Variants in SLC2A13 observed in about 807,000 individuals in gnomAD.
The protein encoded by SLC2A13 is solute carrier family 2 member 13, also known as proton myo-inositol cotransporter.
A neutral mutation model predicts 64.4 loss-of-function variants in SLC2A13; 32 were observed. The observed-to-expected ratio is 0.50, with a 90% CI of 0.37 to 0.67. The LOEUF (loss-of-function observed/expected upper bound fraction) is 0.67. Among genes scored for constraint, SLC2A13 ranks in the 30% least tolerant of loss-of-function variants. The probability of loss-of-function intolerance (pLI) is 0.00; values close to 1 mark genes in which losing one functional copy is unlikely to be tolerated. For synonymous variants in SLC2A13, 338 were observed against 327.1 expected, an observed-to-expected ratio of 1.03 and a Z score of -0.36; for missense variants, 743 against 829.2, an observed-to-expected ratio of 0.90 and a Z score of 1.28.
rs766790201 is a variant in SLC2A13 at position 39,764,467 on chromosome 12, T to C, written c.1713A>G (p.Thr571=). ...LTFLHTAEYL[T]YYGAFFLYAG... is the part of the protein sequence containing the mutation. ...GAAAAAATATTATCTTACCATAGTATGTAAGATACTCTGCTGTGTGTAAAA... is the reference window on the plus strand; with the variant it reads ...GAAAAAATATTATCTTACCATAGTACGTAAGATACTCTGCTGTGTGTAAAA... The change falls in exon 9 of 10, where the codon ACA becomes ACG. Residue 571 remains threonine (T), a synonymous_variant. Coordinates refer to ENST00000280871, the MANE Select transcript of SLC2A13 (RefSeq NM_052885.4). 7 of 1,580,766 alleles carry C rather than the reference T, an allele frequency of 4.4e-6. No individual in the cohort carries two copies. The South Asian group carries it at 5.9e-5, about 13-fold the overall frequency.
At chr12:39,925,751 C>T (rs1945716723) in intron 4 of SLC2A13, among the ~76,000 whole-genome samples, 2 of 152,108 alleles carry the variant, frequency 1.3e-5, no homozygotes, top group South Asian at 4.1e-4. Context: ...AGATCACTGC[C>T]ACTTTATTTT....
chr12:39,997,685 T>G (rs567779), intron 3 of SLC2A13, among the ~76,000 whole-genome samples: 110,046 of 151,906 alleles, frequency 0.72, 39,920 homozygotes, highest in East Asian at 0.84. Context: ...CAAAAAATTA[T>G]CCGGGCATGG....
chr12:39,775,197 A>T (rs567522110), intron 7 of SLC2A13, among the ~76,000 whole-genome samples: 1 of 152,362 alleles, frequency 6.6e-6, no homozygotes, highest in Non-Finnish European at 1.5e-5. Flanking sequence ...TAATGCAATT[A>T]AGGTACAACT....
At chr12:39,810,642 GT>G (rs1942129290) in intron 7 of SLC2A13, among the ~76,000 whole-genome samples, 1 of 152,100 alleles carries the variant, frequency 6.6e-6, no homozygotes, top group African/African-American at 2.4e-5. Context: ...GGTCGAGGAA[GT>G]TTCCTTCCAT....
At chr12:39,996,027 G>A (rs150808410) in intron 3 of SLC2A13, among the ~76,000 whole-genome samples, 146 of 152,290 alleles carry the variant, frequency 9.6e-4, no homozygotes, top group African/African-American at 3.3e-3. Flanking sequence ...ACATTGGAGT[G>A]GGGCGCTGCT....
chr12:40,103,735 G>A (rs1035165119), intron 1 of SLC2A13, among the ~76,000 whole-genome samples: 1 of 152,134 alleles, frequency 6.6e-6, no homozygotes, highest in African/African-American at 2.4e-5. Context: ...AACAAAAAAG[G>A]TCCAGATGTC....
intron 3 of SLC2A13, among the ~76,000 whole-genome samples, chr12:40,020,333 C>G (rs1947691167): frequency 6.6e-6 from 1 of 152,152 alleles, no homozygotes; most frequent in Admixed American, 6.5e-5. Context: ...GCAGTTCCCT[C>G]AGGCTGTTCT....
At chr12:40,036,893 C>T (rs886781191) in intron 2 of SLC2A13, among the ~76,000 whole-genome samples, 4 of 152,098 alleles carry the variant, frequency 2.6e-5, no homozygotes, top group Non-Finnish European at 4.4e-5. Flanking sequence ...AAGCTGGCTG[C>T]AATTTTTTTG....
intron 4 of SLC2A13, among the ~76,000 whole-genome samples, chr12:39,920,735 T>C (rs1317555093): frequency 1.8e-4 from 27 of 152,052 alleles, no homozygotes; most frequent in Admixed American, 1.7e-3. Flanking sequence ...AGAGAAATCA[T>C]ATCAACCACA....
At chr12:39,923,032 T>C (rs1945642755) in intron 4 of SLC2A13, among the ~76,000 whole-genome samples, 1 of 152,158 alleles carries the variant, frequency 6.6e-6, no homozygotes, top group African/African-American at 2.4e-5. Flanking sequence ...ATGATCCTAA[T>C]AATTGCAGAA....
chr12:40,005,867 T>C (rs1947407864), intron 3 of SLC2A13, among the ~76,000 whole-genome samples: 1 of 152,160 alleles, frequency 6.6e-6, no homozygotes, highest in Non-Finnish European at 1.5e-5. Flanking sequence ...AAGTCCGTGG[T>C]TCTCAACCTT....
At chr12:39,926,133 C>T (rs1257116207) in intron 4 of SLC2A13, among the ~76,000 whole-genome samples, 2 of 152,008 alleles carry the variant, frequency 1.3e-5, no homozygotes, top group Admixed American at 1.3e-4. Context: ...ATGTTTAGAA[C>T]ATTAAAGCAA....
At chr12:40,100,441 T>C (rs186547324) in intron 1 of SLC2A13, among the ~76,000 whole-genome samples, 45 of 152,348 alleles carry the variant, frequency 3.0e-4, no homozygotes, top group Admixed American at 2.9e-3. Context: ...ACTGTGTACA[T>C]GCTAATAGTG....
intron 2 of SLC2A13, among the ~76,000 whole-genome samples, chr12:40,045,478 T>A (rs1171419715): frequency 6.6e-6 from 1 of 151,022 alleles, no homozygotes; most frequent in Non-Finnish European, 1.5e-5. Flanking sequence ...AATTTTTATT[T>A]GCTTATAACC....
chr12:40,072,477 A>T (rs1217030249), intron 1 of SLC2A13, among the ~76,000 whole-genome samples: 1 of 152,132 alleles, frequency 6.6e-6, no homozygotes, highest in African/African-American at 2.4e-5. Context: ...CATTTCTGAT[A>T]GAAGGGTAAT....
intron 3 of SLC2A13, among the ~76,000 whole-genome samples, chr12:40,014,751 C>T (rs1035245411): frequency 6.6e-6 from 1 of 152,166 alleles, no homozygotes; most frequent in Admixed American, 6.5e-5. Context: ...CCTCAGCCTG[C>T]CGAAGTACTG....
intron 3 of SLC2A13, among the ~76,000 whole-genome samples, chr12:39,980,097 A>C (rs1186430952): frequency 2.0e-5 from 3 of 152,024 alleles, no homozygotes; most frequent in Admixed American, 6.6e-5. Flanking sequence ...AAGGAGAAAT[A>C]AAATACTTTA....
intron 2 of SLC2A13, among the ~76,000 whole-genome samples, chr12:40,036,726 G>GA (rs1947992894): frequency 6.6e-6 from 1 of 152,078 alleles, no homozygotes; most frequent in Non-Finnish European, 1.5e-5. Context: ...CTCCAACTTT[G>GA]TTCTTTGAGA....
intron 7 of SLC2A13, among the ~76,000 whole-genome samples, chr12:39,824,429 G>C (rs1404417372): frequency 6.6e-6 from 1 of 152,222 alleles, no homozygotes; most frequent in Non-Finnish European, 1.5e-5. Context: ...CCATCCAAGA[G>C]GGTCTCCATC....
Sources: gnomAD v4.1 joint callset for allele counts (sites outside exome capture counted in the v4.1 genomes callset) on GRCh38, gnomAD v4.1.1 for gene constraint, MANE v1.5 for transcripts, NCBI Gene and HGNC (gene_info 2026-07-23, HGNC 2026-07-21) for gene names.